Variants in HERC1 observed in about 807,000 individuals in gnomAD.
HERC1 encodes the protein probable E3 ubiquitin-protein ligase HERC1.
In HERC1, 160 loss-of-function variants were observed where a neutral mutation model predicts 554.3. The observed-to-expected ratio is 0.29, with a 90% CI of 0.25 to 0.33. HERC1 has a LOEUF of 0.33. Among genes scored for constraint, HERC1 ranks in the 10% least tolerant of loss-of-function variants. The pLI, the probability that HERC1 is intolerant of heterozygous loss-of-function variation, is 1.00. For synonymous variants in HERC1, 2,175 were observed against 2,131.7 expected (o/e 1.02, Z -0.56); for missense variants, 4,919 against 5,918.5 (o/e 0.83, Z 5.54).
intron 1 of HERC1, among the ~76,000 whole-genome samples, chr15:63,816,530 TA>T (rs1333234508): frequency 1.3e-5 from 2 of 152,186 alleles, no homozygotes; most frequent in Admixed American, 1.3e-4. Flanking sequence ...ATTGTCCTCT[TA>T]AAAAGAACAA....
intron 2 of HERC1, among the ~76,000 whole-genome samples, chr15:63,768,719 A>C (rs2075859152): frequency 6.6e-6 from 1 of 152,222 alleles, no homozygotes. Flanking sequence ...AAACAGCATA[A>C]AGTTTTTAGT....
At chr15:63,674,057 T>C (rs990366096) in intron 38 of HERC1, among the ~76,000 whole-genome samples, 2 of 152,182 alleles carry the variant, frequency 1.3e-5, no homozygotes, top group African/African-American at 4.8e-5. Flanking sequence ...GATCAATAAA[T>C]ACTTTTTTTG....
chr15:63,701,951 A>C (rs1235755011), intron 25 of HERC1, among the ~76,000 whole-genome samples: 1 of 152,206 alleles, frequency 6.6e-6, no homozygotes, highest in East Asian at 1.9e-4. Context: ...CTTAATACTA[A>C]TTCAGAATCA....
At chr15:63,667,578 A>C (rs1278190814) in intron 40 of HERC1, among the ~76,000 whole-genome samples, 1 of 152,246 alleles carries the variant, frequency 6.6e-6, no homozygotes, top group Admixed American at 6.5e-5. Flanking sequence ...TTTATTATGG[A>C]GCTTATGTGT....
intron 18 of HERC1, among the ~76,000 whole-genome samples, chr15:63,724,494 T>C (rs1352103598): frequency 1.3e-5 from 2 of 152,212 alleles, no homozygotes; most frequent in African/African-American, 2.4e-5. Context: ...GTATAATCTT[T>C]CTCATTTTGT....
rs35700814 is a variant in HERC1 at position 63,628,953 on chromosome 15, CTT to C, written c.12967-140_12967-139del. On this transcript the variant is annotated intron_variant, in intron 69 of 77. Coordinates refer to ENST00000443617, the MANE Select transcript of HERC1 (RefSeq NM_003922.4). ...TGCATCAGCATCAATAAAACACATT[CTT>C]TTTTTTTTTTTTTGAGATGGAGTCT... is the stretch of plus-strand genomic sequence containing the variant. The C allele has an allele frequency of 0.074, 38,368 of 519,070 alleles. No homozygotes were observed. The highest frequency in any genetic ancestry group is 0.099 in the Middle Eastern group (175 of 1,764). The allele number at this position is 519,070 out of a possible 1,614,324, so 32.2% of individuals were successfully genotyped here. A position where few individuals can be genotyped will look rare whatever the true frequency, so the allele number is the denominator to read the frequency against.
chr15:63,691,408 G>A (rs1048108543), intron 31 of HERC1, among the ~76,000 whole-genome samples: 2 of 152,096 alleles, frequency 1.3e-5, no homozygotes, highest in African/African-American at 4.8e-5. Context: ...AGAGGTTGCA[G>A]TGAGTTGAGA....
intron 1 of HERC1, among the ~76,000 whole-genome samples, chr15:63,804,848 A>G (rs1242998630): frequency 1.3e-5 from 2 of 152,226 alleles, no homozygotes; most frequent in Non-Finnish European, 2.9e-5. Flanking sequence ...GTTCAACACC[A>G]TTAGTCAGTA....
At chr15:63,812,050 G>C (rs1160660727) in intron 1 of HERC1, among the ~76,000 whole-genome samples, 1 of 151,994 alleles carries the variant, frequency 6.6e-6, no homozygotes, top group African/African-American at 2.4e-5. Context: ...TATAAATTTA[G>C]AGCCAGATTT....
chr15:63,826,196 T>C (rs761235368), intron 1 of HERC1, among the ~76,000 whole-genome samples: 2 of 152,238 alleles, frequency 1.3e-5, no homozygotes, highest in Non-Finnish European at 2.9e-5. Context: ...ATTTCCAGTG[T>C]TGCTGGGCAG....
intron 1 of HERC1, among the ~76,000 whole-genome samples, chr15:63,811,360 G>A (rs773437171): frequency 3.8e-4 from 58 of 152,050 alleles, no homozygotes; most frequent in Non-Finnish European, 3.8e-4. Context: ...TAGAGGGGAG[G>A]AAAAAAGCAG....
At chr15:63,639,585 T>C (rs550333647) in intron 61 of HERC1, among the ~76,000 whole-genome samples, 2 of 152,342 alleles carry the variant, frequency 1.3e-5, no homozygotes, top group East Asian at 3.9e-4. Flanking sequence ...TGTATCAATG[T>C]TTATCCAAAT....
chr15:63,683,709 T>C (rs1349901336), intron 34 of HERC1, among the ~76,000 whole-genome samples: 2 of 152,194 alleles, frequency 1.3e-5, no homozygotes, highest in African/African-American at 4.8e-5. Context: ...CATGCAGTAG[T>C]GTAAACAGAG....
chr15:63,741,876 T>C (rs533456110), intron 12 of HERC1, among the ~76,000 whole-genome samples: 76 of 152,348 alleles, frequency 5.0e-4, no homozygotes, highest in Admixed American at 1.3e-3. Context: ...TCTATTTTTA[T>C]TACTGTAACT....
chr15:63,712,973 C>G (rs749420168), intron 23 of HERC1, 78 bp from the exon 24 acceptor site: 39 of 1,365,166 alleles, frequency 2.9e-5, no homozygotes, highest in Admixed American at 4.3e-5. Flanking sequence ...AATTGGAGCA[C>G]AGAGATAATA....
At chr15:63,624,979 A>ATT (rs1245746009) in intron 71 of HERC1, among the ~76,000 whole-genome samples, 1 of 152,164 alleles carries the variant, frequency 6.6e-6, no homozygotes, top group Non-Finnish European at 1.5e-5. Context: ...TTCACAGTTA[A>ATT]TATCATTCTG....
In HERC1 at chr15:63,700,139, G is replaced by A. The variant is rs573904390; in HGVS notation, c.4637-1143C>T. Among the ~76,000 whole-genome samples, 185 of 152,132 alleles carry A rather than the reference G, an allele frequency of 1.2e-3. 1 individual carries two copies. Among genetic ancestry groups the A allele is most frequent in the African/African-American group, 4.4e-3 (182 of 41,520 alleles). ...TATTGTTTTAATGTATTCCTAAGAT[G>A]AATAATGGTTTTAGTTGTCGTTGAC... is the stretch of plus-strand genomic sequence containing the variant. On this transcript the variant is annotated intron_variant, in intron 25 of 77. Coordinates refer to ENST00000443617, the MANE Select transcript of HERC1 (RefSeq NM_003922.4).
intron 22 of HERC1, 149 bp from the exon 23 acceptor site, chr15:63,713,814 CTTAG>C (rs2073417814): frequency 1.7e-6 from 1 of 586,698 alleles, no homozygotes; most frequent in South Asian, 2.7e-5. Context: ...ACATAGTTAA[CTTAG>C]TTAAAATTAC....
At chr15:63,681,879 C>T (rs1323533691) in intron 34 of HERC1, among the ~76,000 whole-genome samples, 1 of 152,178 alleles carries the variant, frequency 6.6e-6, no homozygotes, top group Non-Finnish European at 1.5e-5. Flanking sequence ...CAGGATTCTT[C>T]TATACCTCAC....
Sources: gnomAD v4.1 joint callset for allele counts (sites outside exome capture counted in the v4.1 genomes callset) on GRCh38, gnomAD v4.1.1 for gene constraint, MANE v1.5 for transcripts, NCBI Gene and HGNC (gene_info 2026-07-23, HGNC 2026-07-21) for gene names.